The following MEIKIN variants were observed in gnomAD, a reference collection of about 807,000 sequenced individuals.
The protein encoded by MEIKIN is meiosis-specific kinetochore protein.
At chr5:131,896,487 A>T (rs1017382627) in intron 8 of MEIKIN, among the ~76,000 whole-genome samples, 21 of 152,300 alleles carry the variant, frequency 1.4e-4, no homozygotes, top group African/African-American at 5.1e-4. Context: ...GGGGTGTTAA[A>T]GTCTCCCATT....
chr5:131,839,544 G>T (rs903837837), intron 11 of MEIKIN, among the ~76,000 whole-genome samples: 9 of 152,104 alleles, frequency 5.9e-5, no homozygotes, highest in Admixed American at 5.2e-4. Flanking sequence ...TCCTCTGTTG[G>T]GTGCATGTAT....
chr5:131,913,173 C>T (rs1457714539), intron 7 of MEIKIN, among the ~76,000 whole-genome samples: 1 of 152,188 alleles, frequency 6.6e-6, no homozygotes, highest in East Asian at 1.9e-4. Flanking sequence ...TGCTTTTTAT[C>T]ATCTCCTCAG....
At chr5:131,847,489 A>G (rs925138791) in intron 11 of MEIKIN, among the ~76,000 whole-genome samples, 1 of 152,134 alleles carries the variant, frequency 6.6e-6, no homozygotes, top group Non-Finnish European at 1.5e-5. Flanking sequence ...GCAAGAACAT[A>G]TAACAATTAT....
At chr5:131,811,863 G>C (rs574782198) in intron 12 of MEIKIN, among the ~76,000 whole-genome samples, 1 of 152,236 alleles carries the variant, frequency 6.6e-6, no homozygotes, top group African/African-American at 2.4e-5. Context: ...CAAAGTGCTC[G>C]GATTACAGGC....
chr5:131,850,486 T>C (rs927143053), intron 11 of MEIKIN, among the ~76,000 whole-genome samples: 9 of 152,146 alleles, frequency 5.9e-5, no homozygotes, highest in African/African-American at 1.9e-4. Flanking sequence ...GACAGACATA[T>C]AGATCAATGG....
chr5:131,863,647 G>T (rs1449250482), intron 9 of MEIKIN, among the ~76,000 whole-genome samples: 1 of 125,532 alleles, frequency 8.0e-6, no homozygotes, highest in Non-Finnish European at 1.6e-5. Flanking sequence ...TATGGTTACT[G>T]TTTGCATGGA....
At chr5:131,807,974 T>A (rs1298975401) in intron 12 of MEIKIN, among the ~76,000 whole-genome samples, 4 of 152,244 alleles carry the variant, frequency 2.6e-5, no homozygotes, top group Non-Finnish European at 1.5e-5. Flanking sequence ...GATGTGCAGC[T>A]AAGCTGAGAA....
intron 11 of MEIKIN, among the ~76,000 whole-genome samples, chr5:131,842,884 C>T (rs935121478): frequency 3.3e-5 from 5 of 152,178 alleles, no homozygotes; most frequent in African/African-American, 1.2e-4. Flanking sequence ...CTCCACACTG[C>T]CCTAGTAGAG....
At chr5:131,941,244 C>T (rs996573171) in intron 4 of MEIKIN, among the ~76,000 whole-genome samples, 7 of 143,310 alleles carry the variant, frequency 4.9e-5, no homozygotes, top group African/African-American at 2.0e-4. Context: ...CTGCAACCTC[C>T]GCCTCCCGGG....
In MEIKIN at chr5:131,941,142, C is replaced by CTTTTTTTTTTTTTTTTTT. The variant is rs397999274; in HGVS notation, c.349+1475_349+1492dup. ...TTGACAATTCCTTCAAGATCTCTTC[C>CTTTTTTTTTTTTTTTTTT]TTTTTTTTTTTTTTTTTTTTTTTTT... On this transcript the variant is annotated intron_variant, in intron 4 of 12. Transcript: ENST00000442687. Among the ~76,000 whole-genome samples, 6 of 59,662 alleles carry CTTTTTTTTTTTTTTTTTT rather than the reference C, an allele frequency of 1.0e-4. 1 individual carries two copies. The highest frequency in any genetic ancestry group is 5.1e-4 in the East Asian group (1 of 1,958). 39.1% of individuals were successfully genotyped at this position (59,662 alleles called of 152,430 possible).
intron 12 of MEIKIN, among the ~76,000 whole-genome samples, chr5:131,815,192 T>C (rs942283643): frequency 2.6e-5 from 4 of 152,188 alleles, no homozygotes; most frequent in Admixed American, 6.5e-5. Context: ...GTATGAGTCA[T>C]TGCTCCTGGA....
chr5:131,918,164 G>C (rs1751445804), intron 6 of MEIKIN, among the ~76,000 whole-genome samples: 1 of 152,090 alleles, frequency 6.6e-6, no homozygotes, highest in Admixed American at 6.5e-5. Context: ...CTCTAAGAAG[G>C]GACTTGTCTG....
At chr5:131,913,672 TCAC>T (rs1751364696) in intron 7 of MEIKIN, among the ~76,000 whole-genome samples, 1 of 152,228 alleles carries the variant, frequency 6.6e-6, no homozygotes, top group African/African-American at 2.4e-5. Context: ...GGTTTTGACT[TCAC>T]CTTTTACAAA....
At chr5:131,821,236 T>G (rs547793776) in intron 11 of MEIKIN, among the ~76,000 whole-genome samples, 2 of 152,334 alleles carry the variant, frequency 1.3e-5, no homozygotes, top group East Asian at 3.9e-4. Context: ...TTCAATTTCC[T>G]TCTTAATTTT....
intron 8 of MEIKIN, among the ~76,000 whole-genome samples, chr5:131,908,117 CAA>C (rs1190306130): frequency 2.0e-5 from 3 of 151,992 alleles, no homozygotes; most frequent in Non-Finnish European, 2.9e-5. Context: ...AAAAACCAGA[CAA>C]AGACATATCA....
At chr5:131,894,135 G>A (rs964485827) in intron 8 of MEIKIN, among the ~76,000 whole-genome samples, 4 of 152,224 alleles carry the variant, frequency 2.6e-5, no homozygotes, top group South Asian at 2.1e-4. Context: ...AGTTTTCCCA[G>A]CACCATTTAT....
At chr5:131,873,428 C>G (rs1259612565) in intron 9 of MEIKIN, among the ~76,000 whole-genome samples, 1 of 152,182 alleles carries the variant, frequency 6.6e-6, no homozygotes, top group Admixed American at 6.5e-5. Context: ...GTAAAGGCAT[C>G]AATTCAACAA....
rs189149697 is a variant in MEIKIN at position 131,872,496 on chromosome 5, T to C, written c.774+6482A>G. 7.3e-4 allele frequency among the ~76,000 whole-genome samples: 111 copies of C among 152,322 alleles called. 1 individual carries two copies. The East Asian group carries it at 0.018, about 25-fold the overall frequency. ...AAGGCTTCCAAGAAATATGTGACTA[T>C]GTGAAAAGACCAAATCAACATCTGA... On this transcript the variant is annotated intron_variant, in intron 9 of 12. Transcript: ENST00000442687.
At chr5:131,915,610 G>T (rs998741611) in intron 7 of MEIKIN, among the ~76,000 whole-genome samples, 3 of 152,038 alleles carry the variant, frequency 2.0e-5, no homozygotes, top group Non-Finnish European at 2.9e-5. Flanking sequence ...GCAGATAAAG[G>T]GATATGATCA....
Sources: allele counts gnomAD v4.1 joint callset (sites outside exome capture counted in the v4.1 genomes callset), GRCh38; gene constraint gnomAD v4.1.1; transcripts MANE v1.5; gene names NCBI Gene and HGNC (gene_info 2026-07-23, HGNC 2026-07-21).